Variants in MEF2A observed in about 807,000 individuals in gnomAD.
MEF2A encodes the protein myocyte enhancer factor 2A.
A neutral mutation model predicts 55.8 loss-of-function variants in MEF2A; 28 were observed. That is an observed-to-expected ratio of 0.50 (90% CI 0.37 to 0.69). The LOEUF is 0.69. Among genes scored for constraint, MEF2A ranks in the 30% least tolerant of loss-of-function variants. The pLI is 0.00. For synonymous variants in MEF2A, 239 were observed against 227.1 expected (o/e 1.05, Z -0.47); for missense variants, 528 against 626.2 (o/e 0.84, Z 1.67).
At chr15:99,642,861 C>A (rs1252054909) in intron 3 of MEF2A, among the ~76,000 whole-genome samples, 1 of 152,134 alleles carries the variant, frequency 6.6e-6, no homozygotes, top group Non-Finnish European at 1.5e-5. Context: ...CCAAATCTGG[C>A]AGATGAAAAT....
At chr15:99,566,744 A>C (rs1443280346) in intron 1 of MEF2A, 1 of 152,282 alleles carries the variant, frequency 6.6e-6, no homozygotes, top group Non-Finnish European at 1.5e-5. Context: ...AGATTGGTCT[A>C]ACGGGGTGGA....
chr15:99,682,840 T>C (rs2053496642), intron 7 of MEF2A, among the ~76,000 whole-genome samples: 1 of 152,208 alleles, frequency 6.6e-6, no homozygotes, highest in African/African-American at 2.4e-5. Context: ...ATTTTTGTCT[T>C]TGAGAGGAAA....
chr15:99,649,547 A>G (rs1300058276), intron 4 of MEF2A, among the ~76,000 whole-genome samples: 1 of 152,218 alleles, frequency 6.6e-6, no homozygotes, highest in Non-Finnish European at 1.5e-5. Context: ...GTTTGGTCCT[A>G]TAAAATGTAG....
chr15:99,671,214 G>T (rs1597032046), intron 4 of MEF2A, 109 bp from the exon 5 acceptor site: 1 of 1,154,062 alleles, frequency 8.7e-7, no homozygotes, highest in Non-Finnish European at 1.2e-6. Flanking sequence ...CGTTTCAGTG[G>T]CTCTTGTATA....
chr15:99,678,687 T>G (rs965459414), intron 7 of MEF2A: 20 of 984,484 alleles, frequency 2.0e-5, no homozygotes, highest in Non-Finnish European at 2.3e-5. Flanking sequence ...CTTGAGACTT[T>G]TAAAGCACTG....
rs184301022 is a variant in MEF2A at position 99,622,850 on chromosome 15, C to T, written c.-142-10128C>T. On this transcript the variant is annotated intron_variant, in intron 2 of 11. Transcript: ENST00000557942. ...CCCTAGTAGCTGGGACTACAGGCGC[C>T]GCCACCATGCCCGGCTAATTTTTTT... is the stretch of plus-strand genomic sequence containing the variant. Among the ~76,000 whole-genome samples, 57 of 152,016 alleles carry T rather than the reference C, an allele frequency of 3.7e-4. No individual in the cohort carries two copies. In the East Asian group the frequency reaches 0.01, roughly 27 times the overall value.
intron 2 of MEF2A, among the ~76,000 whole-genome samples, chr15:99,623,782 T>A: frequency 6.6e-6 from 1 of 152,152 alleles, no homozygotes; most frequent in East Asian, 1.9e-4. Context: ...GATATTAATC[T>A]TGTATCAAAT....
At chr15:99,678,586 T>C in intron 7 of MEF2A, 2 of 874,904 alleles carry the variant, frequency 2.3e-6, no homozygotes, top group Non-Finnish European at 2.7e-6. Context: ...TCCATTTGCC[T>C]TGTTCGTATT....
At chr15:99,654,347 CTCAATGTTTAATA>C (rs1429600360) in intron 4 of MEF2A, among the ~76,000 whole-genome samples, 6 of 151,896 alleles carry the variant, frequency 4.0e-5, no homozygotes, top group African/African-American at 1.4e-4. Flanking sequence ...GGTTACTAAG[CTCAATGTTTAATA>C]GGGCAGAGAG....
In MEF2A at chr15:99,690,399, C is replaced by A. The variant is rs373219260; in HGVS notation, c.829C>A (p.Pro277Thr). The A allele has an allele frequency of 6.1e-5, 98 of 1,604,454 alleles. 1 individual carries two copies. The South Asian group carries it at 8.7e-4, about 14-fold the overall frequency. ...ACCAGATCTTCGAGTTGTCATCCCCCCTTCAAGCAAGGGCATGATGCCTCC... is the reference window on the plus strand; with the variant it reads ...ACCAGATCTTCGAGTTGTCATCCCCACTTCAAGCAAGGGCATGATGCCTCC... ...RKPDLRVVIP[P>T]SSKGMMPPLS... Residue 277 changes from proline to threonine, a missense_variant, in exon 8 of 12, where the codon CCT becomes ACT. Pro to Thr is a conservative substitution (Grantham distance 38). Transcript: ENST00000557942.
chr15:99,573,850 A>G (rs963686692), intron 1 of MEF2A, among the ~76,000 whole-genome samples: 1 of 152,182 alleles, frequency 6.6e-6, no homozygotes, highest in Non-Finnish European at 1.5e-5. Context: ...AACATATCCC[A>G]TTTGTAAATT....
At chr15:99,666,119 T>C (rs1197500920) in intron 4 of MEF2A, among the ~76,000 whole-genome samples, 1 of 152,168 alleles carries the variant, frequency 6.6e-6, no homozygotes, top group African/African-American at 2.4e-5. Flanking sequence ...ATCATTCTAC[T>C]GTAAAGACAC....
intron 1 of MEF2A, among the ~76,000 whole-genome samples, chr15:99,571,056 A>G (rs1031343076): frequency 5.9e-5 from 9 of 151,874 alleles, no homozygotes; most frequent in Non-Finnish European, 1.2e-4. Context: ...ATAGTGGCTC[A>G]CACCTGTTAT....
intron 2 of MEF2A, among the ~76,000 whole-genome samples, chr15:99,604,063 C>T (rs1262654022): frequency 6.6e-6 from 1 of 152,102 alleles, no homozygotes; most frequent in African/African-American, 2.4e-5. Flanking sequence ...CTTTTGTTCC[C>T]AGTATGTAAG....
intron 4 of MEF2A, among the ~76,000 whole-genome samples, chr15:99,652,747 G>T (rs2047060726): frequency 2.0e-5 from 3 of 152,196 alleles, no homozygotes; most frequent in Non-Finnish European, 4.4e-5. Flanking sequence ...TTCCCAAGCA[G>T]TAAGTTGTGT....
intron 1 of MEF2A, among the ~76,000 whole-genome samples, chr15:99,567,902 A>G (rs1960431500): frequency 6.6e-6 from 1 of 152,196 alleles, no homozygotes; most frequent in Non-Finnish European, 1.5e-5. Context: ...AAGTTGTGAT[A>G]ATGGTGTTAC....
At chr15:99,604,546 CT>C (rs1484557754) in intron 2 of MEF2A, among the ~76,000 whole-genome samples, 1 of 151,826 alleles carries the variant, frequency 6.6e-6, no homozygotes, top group African/African-American at 2.4e-5. Context: ...TATTTATAAT[CT>C]TTTTTTAATG....
At chr15:99,579,636 T>C (rs1234855987) in intron 1 of MEF2A, among the ~76,000 whole-genome samples, 1 of 152,226 alleles carries the variant, frequency 6.6e-6, no homozygotes, top group East Asian at 1.9e-4. Context: ...CCTCAAGTGA[T>C]CCACTTGCCT....
At position 99,627,419 on chromosome 15, in the gene MEF2A, C is replaced by CAAAAAAAAAA. The variant is rs139658538; in HGVS notation, c.-142-5537_-142-5528dup. Among the ~76,000 whole-genome samples the CAAAAAAAAAA allele has an allele frequency of 4.9e-4, 21 of 43,056 alleles. 2 individuals are homozygous for CAAAAAAAAAA. Among genetic ancestry groups the CAAAAAAAAAA allele is most frequent in the African/African-American group, 2.2e-3 (20 of 9,132 alleles). The allele number at this position is 43,056 out of a possible 152,430, so 28.2% of individuals were successfully genotyped here. On this transcript the variant is annotated intron_variant, in intron 2 of 11. Coordinates refer to ENST00000557942, the MANE Select transcript of MEF2A (RefSeq NM_001319206.4). Reference sequence around the variant, plus strand: ...TGGGCGACAGAGTGAGACTTTATCTCAAAAAAAAAAAAAAAAAAAAAAAAA... The same window carrying CAAAAAAAAAA: ...TGGGCGACAGAGTGAGACTTTATCTCAAAAAAAAAAAAAAAAAAAAAAAAAAAAAAAAAAA...
Sources: allele counts gnomAD v4.1 joint callset (sites outside exome capture counted in the v4.1 genomes callset), GRCh38; gene constraint gnomAD v4.1.1; transcripts MANE v1.5; gene names NCBI Gene and HGNC (gene_info 2026-07-23, HGNC 2026-07-21).